The following LARGE1 variants were observed in gnomAD, a reference collection of about 807,000 sequenced individuals.
LARGE1 encodes LARGE xylosyl- and glucuronyltransferase 1, also known as xylosyl- and glucuronyltransferase LARGE1.
LARGE1 carries 43 observed loss-of-function variants against 87.6 expected under a neutral mutation model. The ratio of observed to expected loss-of-function variants is 0.49; its 90% CI spans 0.38 to 0.63. LARGE1 has a LOEUF of 0.63. Among genes scored for constraint, LARGE1 ranks in the 30% least tolerant of loss-of-function variants. LARGE1 has a pLI of 0.00. For synonymous variants in LARGE1, 434 were observed against 394.6 expected (o/e 1.10, Z -1.18); for missense variants, 802 against 1,000.2 (o/e 0.80, Z 2.67).
intron 6 of LARGE1, among the ~76,000 whole-genome samples, chr22:33,535,544 CAAAAGAAAAAAA>C (rs996840373): frequency 5.3e-5 from 7 of 131,144 alleles, no homozygotes; most frequent in East Asian, 2.1e-4. Context: ...ACTCCAAAAA[CAAAAGAAAAAAA>C]AAAAGAAAAA....
chr22:33,169,217 T>G (rs5994685), intron 11 of LARGE1, among the ~76,000 whole-genome samples: 104,647 of 152,090 alleles, frequency 0.69, 37,491 homozygotes, highest in African/African-American at 0.9. Context: ...ATTGATGATA[T>G]ATATTGTCTT....
intron 6 of LARGE1, among the ~76,000 whole-genome samples, chr22:33,455,018 T>C (rs544472792): frequency 1.1e-4 from 17 of 152,290 alleles, no homozygotes; most frequent in African/African-American, 2.9e-4. Flanking sequence ...CTAAAAGCAA[T>C]CCACAGATAA....
intron 1 of LARGE1, among the ~76,000 whole-genome samples, chr22:33,786,413 C>T (rs990732135): frequency 6.6e-6 from 1 of 152,152 alleles, no homozygotes; most frequent in Non-Finnish European, 1.5e-5. Context: ...TAGATTTGGT[C>T]CCTGGAATTC....
chr22:33,560,482 G>A (rs1364245572), intron 6 of LARGE1, among the ~76,000 whole-genome samples: 2 of 152,142 alleles, frequency 1.3e-5, no homozygotes, highest in Non-Finnish European at 2.9e-5. Flanking sequence ...CTGTGCTTAT[G>A]GATCAAATCA....
chr22:33,129,221 C>A, the LARGE1 span, among the ~76,000 whole-genome samples: 1 of 152,072 alleles, frequency 6.6e-6, no homozygotes, highest in South Asian at 2.1e-4. Context: ...GAAAACAGAT[C>A]AAAGATTGAA....
chr22:33,494,763 T>G (rs1602104843), intron 6 of LARGE1, among the ~76,000 whole-genome samples: 1 of 152,352 alleles, frequency 6.6e-6, no homozygotes, highest in Non-Finnish European at 1.5e-5. Context: ...ACAGCTAGGA[T>G]GAGAAATCTG....
chr22:33,318,606 G>A (rs1488157565), intron 10 of LARGE1, among the ~76,000 whole-genome samples: 1 of 152,122 alleles, frequency 6.6e-6, no homozygotes, highest in Non-Finnish European at 1.5e-5. Context: ...GTGGGGTTGG[G>A]GGAGAGGGGA....
chr22:33,389,791 G>T (rs1299546049), intron 7 of LARGE1, among the ~76,000 whole-genome samples: 2 of 152,172 alleles, frequency 1.3e-5, no homozygotes, highest in African/African-American at 2.4e-5. Context: ...GTTGCAGTGA[G>T]CCGCGACTGC....
intron 6 of LARGE1, among the ~76,000 whole-genome samples, chr22:33,564,566 T>C (rs1025957088): frequency 6.6e-6 from 1 of 152,202 alleles, no homozygotes; most frequent in Non-Finnish European, 1.5e-5. Context: ...TCCCGACCAG[T>C]ATGTGAACAC....
intron 6 of LARGE1, among the ~76,000 whole-genome samples, chr22:33,516,928 G>A (rs1480632498): frequency 6.6e-6 from 1 of 152,174 alleles, no homozygotes. Context: ...TTACTAGACA[G>A]TAGTAAGTAC....
At chr22:33,397,127 T>C (rs934419341) in intron 7 of LARGE1, among the ~76,000 whole-genome samples, 77 of 152,098 alleles carry the variant, frequency 5.1e-4, no homozygotes, top group African/African-American at 1.8e-3. Context: ...TTCTTTCTTT[T>C]TTTTTGAGAT....
intron 11 of LARGE1, among the ~76,000 whole-genome samples, chr22:33,202,999 A>ATG (rs1924473180): frequency 6.6e-6 from 1 of 152,206 alleles, no homozygotes; most frequent in Non-Finnish European, 1.5e-5. Flanking sequence ...ACTTTAAAAA[A>ATG]TAAAATTTAA....
chr22:33,405,922 A>G (rs1247366845), intron 7 of LARGE1, among the ~76,000 whole-genome samples: 3 of 152,210 alleles, frequency 2.0e-5, no homozygotes, highest in Non-Finnish European at 4.4e-5. Context: ...AATGAAGACC[A>G]TTAAAAATCA....
At chr22:33,426,819 C>T (rs1428148777) in intron 7 of LARGE1, among the ~76,000 whole-genome samples, 6 of 152,182 alleles carry the variant, frequency 3.9e-5, no homozygotes, top group African/African-American at 7.2e-5. Context: ...GAATGAAACA[C>T]GATACATTTT....
chr22:33,552,332 CCT>C (rs1274256811), intron 6 of LARGE1, among the ~76,000 whole-genome samples: 1 of 152,150 alleles, frequency 6.6e-6, no homozygotes, highest in African/African-American at 2.4e-5. Context: ...CTTGACCTCC[CCT>C]CTCTCCTTGC....
At chr22:33,529,922 C>A (rs764637742) in intron 6 of LARGE1, among the ~76,000 whole-genome samples, 7 of 152,210 alleles carry the variant, frequency 4.6e-5, no homozygotes, top group Non-Finnish European at 8.8e-5. Flanking sequence ...TGTGTTTTGG[C>A]AGCAGCGGGA....
chr22:33,413,894 A>G (rs2066397805), intron 7 of LARGE1, among the ~76,000 whole-genome samples: 1 of 152,194 alleles, frequency 6.6e-6, no homozygotes, highest in Admixed American at 6.5e-5. Flanking sequence ...AGGCTGAATA[A>G]TATTCCATTG....
intron 2 of LARGE1, among the ~76,000 whole-genome samples, chr22:33,748,949 G>A (rs899833139): frequency 3.9e-5 from 6 of 152,180 alleles, no homozygotes; most frequent in African/African-American, 1.4e-4. Context: ...TAAAACAAGG[G>A]TCTCTCTGGA....
intron 6 of LARGE1, among the ~76,000 whole-genome samples, chr22:33,531,195 T>C (rs1489192886): frequency 2.0e-5 from 3 of 152,220 alleles, no homozygotes; most frequent in Non-Finnish European, 4.4e-5. Context: ...TTTGCTCTTG[T>C]TGCCCAGGCT....
Sources: allele counts gnomAD v4.1 joint callset (sites outside exome capture counted in the v4.1 genomes callset), GRCh38; gene constraint gnomAD v4.1.1; transcripts MANE v1.5; gene names NCBI Gene and HGNC (gene_info 2026-07-23, HGNC 2026-07-21).